THSD4: variants seen among roughly 807,000 people sequenced by gnomAD.
THSD4 encodes the protein thrombospondin type-1 domain-containing protein 4.
Under a neutral mutation model 119.0 loss-of-function variants are expected in THSD4, and 69 were observed. The ratio of observed to expected loss-of-function variants is 0.58; its 90% CI spans 0.48 to 0.71. THSD4 has a LOEUF of 0.71. Ranked by LOEUF, THSD4 falls within the 30% of genes least tolerant of loss-of-function variation. The pLI is 0.00. For missense variants in THSD4, 1,393 were observed against 1,391.1 expected, an observed-to-expected ratio of 1.00 and a Z score of -0.02; for synonymous variants, 524 against 540.4, an observed-to-expected ratio of 0.97 and a Z score of 0.42.
intron 7 of THSD4, among the ~76,000 whole-genome samples, chr15:71,635,464 A>T (rs2050721153): frequency 6.6e-6 from 1 of 152,226 alleles, no homozygotes; most frequent in African/African-American, 2.4e-5. Context: ...GGCCTTGAAG[A>T]TAGCAGCTTG....
At chr15:71,582,941 T>C (rs778304527) in intron 7 of THSD4, among the ~76,000 whole-genome samples, 1 of 152,098 alleles carries the variant, frequency 6.6e-6, no homozygotes, top group Non-Finnish European at 1.5e-5. Flanking sequence ...GCTGGCCTTA[T>C]AAAAAGAGTT....
At chr15:71,562,763 C>A (rs946053553) in intron 7 of THSD4, among the ~76,000 whole-genome samples, 3 of 146,636 alleles carry the variant, frequency 2.0e-5, no homozygotes, top group African/African-American at 7.5e-5. Context: ...AGTACAATGG[C>A]GCAATCTCAG....
At chr15:71,363,000 G>T (rs369771276) in intron 6 of THSD4, among the ~76,000 whole-genome samples, 1 of 144,598 alleles carries the variant, frequency 6.9e-6, no homozygotes, top group African/African-American at 2.6e-5. Context: ...AATCACAAAA[G>T]AAATCTCGTA....
chr15:71,727,571 TATATATATATATATATACACACAC>T (rs1402786725), intron 8 of THSD4, among the ~76,000 whole-genome samples: 782 of 33,656 alleles, frequency 0.023, 22 homozygotes, highest in African/African-American at 0.071. Context: ...TATATATATA[TATATATATATATATATACACACAC>T]ACACACACAC....
intron 7 of THSD4, among the ~76,000 whole-genome samples, chr15:71,561,725 A>G (rs927207863): frequency 1.3e-5 from 2 of 152,208 alleles, no homozygotes; most frequent in Admixed American, 6.5e-5. Context: ...CAGAGTGAGC[A>G]GTTGAGAAAG....
chr15:71,099,709 AAC>A (rs2040245966), intron 1 of THSD4, among the ~76,000 whole-genome samples: 1 of 152,178 alleles, frequency 6.6e-6, no homozygotes, highest in Non-Finnish European at 1.5e-5. Context: ...TCACACCTGC[AAC>A]CCCAGCACTT....
At chr15:71,298,204 C>G (rs2044892235) in intron 6 of THSD4, among the ~76,000 whole-genome samples, 1 of 152,102 alleles carries the variant, frequency 6.6e-6, no homozygotes, top group African/African-American at 2.4e-5. Context: ...GGGACTATGT[C>G]CCTTTGAATG....
At chr15:71,535,197 A>G (rs942390140) in intron 7 of THSD4, among the ~76,000 whole-genome samples, 1 of 152,152 alleles carries the variant, frequency 6.6e-6, no homozygotes, top group Middle Eastern at 3.2e-3. Flanking sequence ...ACATTTGCCT[A>G]TACTGGACAT....
chr15:71,495,095 G>A (rs2047991329), intron 7 of THSD4, among the ~76,000 whole-genome samples: 1 of 152,212 alleles, frequency 6.6e-6, no homozygotes, highest in African/African-American at 2.4e-5. Flanking sequence ...AAAGCGGGGA[G>A]AAGAGATGGT....
intron 7 of THSD4, among the ~76,000 whole-genome samples, chr15:71,466,703 C>G (rs1171723123): frequency 6.6e-6 from 1 of 152,210 alleles, no homozygotes; most frequent in Non-Finnish European, 1.5e-5. Flanking sequence ...TGGCTTTTCT[C>G]TCATCCGATT....
intron 3 of THSD4, among the ~76,000 whole-genome samples, chr15:71,205,573 C>T (rs1305409672): frequency 3.3e-5 from 5 of 152,136 alleles, no homozygotes; most frequent in Non-Finnish European, 7.3e-5. Flanking sequence ...TTAACTGTTC[C>T]TGAAATGCAT....
rs528837668 is a variant in THSD4, at chr15:71,762,458, C to A, written c.2590-2562C>A. On this transcript the variant is annotated intron_variant, in intron 15 of 17. Transcript: ENST00000261862. ...TTTCAAACCCCTCACTTTCTCTTTT[C>A]AGATAAGACCACAGCGACCTGGGAA... is the stretch of plus-strand genomic sequence containing the variant. 2.6e-5 allele frequency among the ~76,000 whole-genome samples: 4 copies of A among 152,342 alleles called. No homozygotes were observed. The South Asian group carries it at 8.3e-4, about 32-fold the overall frequency.
intron 7 of THSD4, among the ~76,000 whole-genome samples, chr15:71,576,439 A>C (rs1419599811): frequency 6.6e-6 from 1 of 152,172 alleles, no homozygotes; most frequent in Non-Finnish European, 1.5e-5. Context: ...GAGCAAGTCA[A>C]AATACTTGGA....
chr15:71,380,191 A>C (rs1038276819), intron 6 of THSD4, among the ~76,000 whole-genome samples: 2 of 152,138 alleles, frequency 1.3e-5, no homozygotes, highest in Non-Finnish European at 2.9e-5. Flanking sequence ...AGGCTTTCTC[A>C]AGCCAAATTT....
intron 6 of THSD4, among the ~76,000 whole-genome samples, chr15:71,303,296 T>C (rs866314986): frequency 2.0e-5 from 3 of 152,288 alleles, no homozygotes; most frequent in Middle Eastern, 3.4e-3. Flanking sequence ...AGGGCCCACA[T>C]ACACTCAGAA....
chr15:71,165,091 A>G (rs1307689931), intron 3 of THSD4: 1 of 1,611,378 alleles, frequency 6.2e-7, no homozygotes, highest in Non-Finnish European at 8.5e-7. Flanking sequence ...TTTTTGGGCG[A>G]TACTCAGAGC....
At chr15:71,707,192 C>T (rs2052408741) in intron 8 of THSD4, among the ~76,000 whole-genome samples, 1 of 152,060 alleles carries the variant, frequency 6.6e-6, no homozygotes, top group African/African-American at 2.4e-5. Context: ...TTGGGAGAAA[C>T]CCAAAGTTAA....
intron 6 of THSD4, among the ~76,000 whole-genome samples, chr15:71,277,329 T>C (rs2044604981): frequency 6.6e-6 from 1 of 152,126 alleles, no homozygotes; most frequent in South Asian, 2.1e-4. Context: ...TTTTACCATG[T>C]CGGCTAGGTT....
intron 17 of THSD4, 40 bp downstream of exon 17, chr15:71,771,248 T>C (rs760322477): frequency 6.2e-7 from 1 of 1,609,160 alleles, no homozygotes; most frequent in East Asian, 2.2e-5. Flanking sequence ...GGTTTGTGTT[T>C]TTTAAGCTTG....
Sources: allele counts gnomAD v4.1 joint callset (sites outside exome capture counted in the v4.1 genomes callset), GRCh38; gene constraint gnomAD v4.1.1; transcripts MANE v1.5; gene names NCBI Gene and HGNC (gene_info 2026-07-23, HGNC 2026-07-21).